Variants in CPNE4 observed in about 807,000 individuals in gnomAD.
CPNE4 encodes copine-4.
Under a neutral mutation model 67.9 loss-of-function variants are expected in CPNE4, and 25 were observed. That is an observed-to-expected ratio of 0.37 (90% CI 0.27 to 0.51). The LOEUF is 0.51. CPNE4 is among the 20% of genes least tolerant of loss of function. The pLI is 0.93. For missense variants in CPNE4, 464 were observed against 690.8 expected, an observed-to-expected ratio of 0.67 and a Z score of 3.68; for synonymous variants, 242 against 244.9, an observed-to-expected ratio of 0.99 and a Z score of 0.11.
intron 2 of CPNE4, among the ~76,000 whole-genome samples, chr3:131,891,395 T>G (rs1036447639): frequency 6.6e-6 from 1 of 151,878 alleles, no homozygotes; most frequent in African/African-American, 2.4e-5. Flanking sequence ...GGTGTATACA[T>G]TAATCAAAAC....
At chr3:131,682,633 G>C (rs764778427) in intron 6 of CPNE4, among the ~76,000 whole-genome samples, 1 of 151,986 alleles carries the variant, frequency 6.6e-6, no homozygotes, top group Non-Finnish European at 1.5e-5. Flanking sequence ...GGATAACCGT[G>C]CTTGGCTACT....
chr3:131,863,206 T>C (rs2086768418), intron 2 of CPNE4, among the ~76,000 whole-genome samples: 1 of 152,218 alleles, frequency 6.6e-6, no homozygotes, highest in South Asian at 2.1e-4. Flanking sequence ...TGTTTTATAA[T>C]CCTTTGGGTA....
chr3:131,621,391 T>A (rs1940456079), intron 7 of CPNE4, among the ~76,000 whole-genome samples: 1 of 152,068 alleles, frequency 6.6e-6, no homozygotes, highest in African/African-American at 2.4e-5. Flanking sequence ...ACCACAGATG[T>A]GCACCACCAC....
chr3:131,813,821 G>A (rs2084628060), intron 2 of CPNE4, among the ~76,000 whole-genome samples: 1 of 152,170 alleles, frequency 6.6e-6, no homozygotes, highest in Admixed American at 6.5e-5. Context: ...CACAGTATTT[G>A]AGTCCAAGAT....
At chr3:131,706,810 C>T (rs1162821890) in intron 3 of CPNE4, among the ~76,000 whole-genome samples, 1 of 152,156 alleles carries the variant, frequency 6.6e-6, no homozygotes, top group African/African-American at 2.4e-5. Flanking sequence ...CTATTGATTC[C>T]AAGTCTTTAG....
At chr3:131,726,717 T>TGG (rs1223211405) in intron 2 of CPNE4, among the ~76,000 whole-genome samples, 17 of 8,742 alleles carry the variant, frequency 1.9e-3, no homozygotes, top group African/African-American at 5.8e-3. Flanking sequence ...CCTAATCAAC[T>TGG]GGGGGGGGCG....
chr3:131,573,873 A>G lies in CPNE4; in HGVS notation c.927+1198T>C, dbSNP rs142319271. 1.8e-4 allele frequency among the ~76,000 whole-genome samples: 28 copies of G among 152,174 alleles called. 1 individual carries two copies. Among genetic ancestry groups the G allele is most frequent in the African/African-American group, 6.7e-4 (28 of 41,560 alleles). ...ATCTTAGACTTTAAAGAGGAGACCA[A>G]ACTCTAAAATTTGCTCCTGTAAGCG... On this transcript the variant is annotated intron_variant, in intron 10 of 15. Transcript: ENST00000429747.
At chr3:131,579,847 C>T (rs1199554488) in intron 9 of CPNE4, among the ~76,000 whole-genome samples, 4 of 152,162 alleles carry the variant, frequency 2.6e-5, no homozygotes, top group Non-Finnish European at 5.9e-5. Flanking sequence ...TGAATCTGCT[C>T]CTGGTGAAGA....
chr3:131,600,627 T>C (rs1240300519), intron 7 of CPNE4, among the ~76,000 whole-genome samples: 1 of 147,350 alleles, frequency 6.8e-6, no homozygotes, highest in Non-Finnish European at 1.5e-5. Context: ...TCTCCCACTC[T>C]GACCCCGCCT....
chr3:131,780,358 T>C (rs1233106289), intron 2 of CPNE4, among the ~76,000 whole-genome samples: 2 of 152,166 alleles, frequency 1.3e-5, no homozygotes, highest in Non-Finnish European at 2.9e-5. Flanking sequence ...TAAATTGTTC[T>C]ATCATAAAGA....
intron 1 of CPNE4, among the ~76,000 whole-genome samples, chr3:131,949,321 C>A (rs899500798): frequency 5.3e-5 from 8 of 152,158 alleles, no homozygotes; most frequent in Admixed American, 2.6e-4. Context: ...ATTCATTGAG[C>A]ATCAATTCAT....
chr3:131,918,606 G>A (rs1583453644), intron 1 of CPNE4, among the ~76,000 whole-genome samples: 1 of 152,270 alleles, frequency 6.6e-6, no homozygotes, highest in Admixed American at 6.5e-5. Context: ...ACCACACGTG[G>A]AGTTTCCTCT....
chr3:131,570,327 A>T (rs1162706170), intron 10 of CPNE4, among the ~76,000 whole-genome samples: 2 of 124,904 alleles, frequency 1.6e-5, no homozygotes, highest in South Asian at 2.2e-4. Flanking sequence ...TTATTTATTT[A>T]TTTATTTTTT....
intron 2 of CPNE4, among the ~76,000 whole-genome samples, chr3:131,900,467 AC>A (rs2088510664): frequency 1.3e-5 from 2 of 152,036 alleles, no homozygotes; most frequent in Non-Finnish European, 2.9e-5. Flanking sequence ...TAACCTAGGC[AC>A]CCTTGAGATG....
chr3:132,002,110 C>G (rs1399728538), intron 1 of CPNE4, among the ~76,000 whole-genome samples: 2 of 152,168 alleles, frequency 1.3e-5, no homozygotes, highest in Non-Finnish European at 2.9e-5. Flanking sequence ...CCAATCTTAT[C>G]ATCACCTCTG....
intron 1 of CPNE4, among the ~76,000 whole-genome samples, chr3:132,022,674 CT>C (rs1398880422): frequency 6.6e-6 from 1 of 152,116 alleles, no homozygotes; most frequent in Non-Finnish European, 1.5e-5. Context: ...ATCATCTGCA[CT>C]TTTTTGACTT....
intron 3 of CPNE4, among the ~76,000 whole-genome samples, chr3:131,713,789 G>GA (rs1437197598): frequency 6.6e-6 from 1 of 151,808 alleles, no homozygotes; most frequent in Non-Finnish European, 1.5e-5. Flanking sequence ...TTAGAAGTTA[G>GA]AAAAAAAGAG....
At position 131,549,964 on chromosome 3, in the gene CPNE4, T is replaced by C; in HGVS notation, c.1285A>G (p.Asn429Asp). 6.2e-7 allele frequency: 1 copy of C among 1,613,138 alleles called. No individual in the cohort carries two copies. Among genetic ancestry groups the C allele is most frequent in the Non-Finnish European group, 8.5e-7 (1 of 1,179,364 alleles). ...CTCCTTACCGATGCCTCCTTGGTGT[T>C]AGTTTCCTCTGACGCTGACTTGGCA... ...KVAKSASEETNTKEASQYFIL... is the reference protein window; with the variant it reads ...KVAKSASEETDTKEASQYFIL... Residue 429 changes from asparagine to aspartate, a missense_variant, in exon 14 of 16, where the codon AAC becomes GAC. By Grantham distance (23) the Asn-to-Asp change is conservative. This residue lies in a region of CPNE4 where 201 missense variants were observed against 357.7 expected (regional missense o/e 0.56). Transcript: ENST00000429747.
Position 131,534,404 on chromosome 3 carries a change from C to A in CPNE4, c.*791G>T, listed in dbSNP as rs1395778564. Reference sequence around the variant, plus strand: ...GAAGCCACGCTGTTTTTGATGGTCTCCATCATGACACCCTAAAGTCTAGAT... The same window carrying A: ...GAAGCCACGCTGTTTTTGATGGTCTACATCATGACACCCTAAAGTCTAGAT... On this transcript the variant is annotated 3_prime_UTR_variant, in exon 16 of 16. Coordinates refer to ENST00000429747, the MANE Select transcript of CPNE4 (RefSeq NM_130808.3). The A allele has an allele frequency of 6.6e-6, 1 of 152,148 alleles. No individual in the cohort carries two copies. The highest frequency in any genetic ancestry group is 1.5e-5 in the Non-Finnish European group (1 of 68,040). 9.4% of individuals were successfully genotyped at this position (152,148 alleles called of 1,614,324 possible). A position where few individuals can be genotyped will look rare whatever the true frequency, so the allele number is the denominator to read the frequency against.
Sources: gnomAD v4.1 joint callset for allele counts (sites outside exome capture counted in the v4.1 genomes callset) on GRCh38, gnomAD v4.1.1 for gene constraint, gnomAD v4.1.1 regional missense constraint, MANE v1.5 for transcripts, NCBI Gene and HGNC (gene_info 2026-07-23, HGNC 2026-07-21) for gene names.